SMC5: variants seen among roughly 807,000 people sequenced by gnomAD.
SMC5 encodes structural maintenance of chromosomes protein 5.
In SMC5, 88 loss-of-function variants were observed where a neutral mutation model predicts 148.3. The ratio of observed to expected loss-of-function variants is 0.59; its 90% CI spans 0.50 to 0.71. The LOEUF (loss-of-function observed/expected upper bound fraction) is 0.71. Ranked by LOEUF, SMC5 falls within the 30% of genes least tolerant of loss-of-function variation. The pLI, the probability that SMC5 is intolerant of heterozygous loss-of-function variation, is 0.00. For synonymous variants in SMC5, 421 were observed against 432.8 expected (o/e 0.97, Z 0.34); for missense variants, 1,142 against 1,298.9 (o/e 0.88, Z 1.86).
chr9:70,326,037 G>C (rs2036068076), intron 17 of SMC5, among the ~76,000 whole-genome samples: 1 of 151,848 alleles, frequency 6.6e-6, no homozygotes, highest in Non-Finnish European at 1.5e-5. Context: ...ACAGATATAA[G>C]AGACATAAAA....
intron 17 of SMC5, among the ~76,000 whole-genome samples, chr9:70,335,995 G>T (rs1241463983): frequency 6.6e-6 from 1 of 152,114 alleles, no homozygotes; most frequent in Non-Finnish European, 1.5e-5. Context: ...TGCTGTATTT[G>T]TTGTAGATTT....
At chr9:70,303,331 T>C (rs2035411898) in intron 10 of SMC5, among the ~76,000 whole-genome samples, 1 of 152,194 alleles carries the variant, frequency 6.6e-6, no homozygotes, top group Non-Finnish European at 1.5e-5. Context: ...AAAAGATGAC[T>C]TTCTGTGGTC....
At chr9:70,262,418 A>G (rs1208355391) in intron 1 of SMC5, among the ~76,000 whole-genome samples, 1 of 152,190 alleles carries the variant, frequency 6.6e-6, no homozygotes, top group Non-Finnish European at 1.5e-5. Context: ...TTCTACCAGC[A>G]TCACTTGGTG....
At chr9:70,320,044 A>G (rs1212593460) in intron 15 of SMC5, among the ~76,000 whole-genome samples, 1 of 152,204 alleles carries the variant, frequency 6.6e-6, no homozygotes, top group African/African-American at 2.4e-5. Flanking sequence ...AAGAAAAATG[A>G]CCAAATAGCC....
At chr9:70,277,108 A>G (rs1440205396) in intron 3 of SMC5, among the ~76,000 whole-genome samples, 1 of 152,154 alleles carries the variant, frequency 6.6e-6, no homozygotes, top group Non-Finnish European at 1.5e-5. Flanking sequence ...ATGTTGAGTA[A>G]GTAACTGATG....
At chr9:70,321,336 A>G (rs1035361490) in intron 15 of SMC5, among the ~76,000 whole-genome samples, 1 of 151,642 alleles carries the variant, frequency 6.6e-6, no homozygotes, top group Non-Finnish European at 1.5e-5. Flanking sequence ...CTTGGCCTTA[A>G]TGGGTCATAT....
chr9:70,339,167 C>T (rs528762184), intron 17 of SMC5, among the ~76,000 whole-genome samples: 42 of 152,208 alleles, frequency 2.8e-4, no homozygotes, highest in African/African-American at 9.6e-4. Context: ...CGGTGGCTCA[C>T]GCCTGTAATC....
intron 6 of SMC5, among the ~76,000 whole-genome samples, chr9:70,281,291 C>A (rs896464077): frequency 1.3e-5 from 2 of 152,160 alleles, no homozygotes; most frequent in Non-Finnish European, 2.9e-5. Flanking sequence ...ATCTGCCCCC[C>A]TCGGCCTCCC....
intron 15 of SMC5, among the ~76,000 whole-genome samples, chr9:70,321,352 A>G (rs1335558289): frequency 1.3e-5 from 2 of 151,834 alleles, no homozygotes; most frequent in Non-Finnish European, 2.9e-5. Context: ...CATATATTCC[A>G]CAGAATTCTG....
At chr9:70,344,334 T>C (rs1475482715) in intron 18 of SMC5, 65 bp downstream of exon 18, 1 of 1,271,948 alleles carries the variant, frequency 7.9e-7, no homozygotes, top group Admixed American at 3.1e-5. Flanking sequence ...TATGGAATCT[T>C]AGCCATTGTA....
chr9:70,279,289 G>A (rs1300516640), intron 5 of SMC5, among the ~76,000 whole-genome samples: 1 of 152,084 alleles, frequency 6.6e-6, no homozygotes, highest in Admixed American at 6.6e-5. Context: ...ACTGATTCGG[G>A]AGAATCGCTT....
chr9:70,296,699 C>G (rs1369597225), intron 8 of SMC5, among the ~76,000 whole-genome samples: 1 of 151,994 alleles, frequency 6.6e-6, no homozygotes, highest in Non-Finnish European at 1.5e-5. Context: ...ATAAAGCTGG[C>G]TAAAACAGAT....
rs192586992 is a variant in SMC5, at chr9:70,300,484, C to T, written c.1464+284C>T. On this transcript the variant is annotated intron_variant, in intron 10 of 24. Transcript: ENST00000361138. ...AGTTTGGTTAGCTGGTTCCTTTTGG[C>T]GCTTGTTACTAGATTGTAGCAGGGA... is the stretch of plus-strand genomic sequence containing the variant. Among the ~76,000 whole-genome samples the T allele has an allele frequency of 7.3e-4, 111 of 152,002 alleles. 1 individual carries two copies. The highest frequency in any genetic ancestry group is 1.3e-4 in the Non-Finnish European group (9 of 67,918).
intron 5 of SMC5, among the ~76,000 whole-genome samples, chr9:70,279,690 G>T (rs1012684282): frequency 6.6e-6 from 1 of 151,900 alleles, no homozygotes; most frequent in Non-Finnish European, 1.5e-5. Flanking sequence ...GATGGTGGGC[G>T]CCTGTAATCC....
chr9:70,332,686 C>A (rs945240093), intron 17 of SMC5, among the ~76,000 whole-genome samples: 8 of 152,106 alleles, frequency 5.3e-5, no homozygotes, highest in African/African-American at 1.7e-4. Flanking sequence ...CCCAAAAATT[C>A]TTCATATAAT....
In SMC5 at chr9:70,277,396, C is replaced by T. The variant is rs2034621750; in HGVS notation, c.467C>T (p.Thr156Ile). Residue 156 changes from threonine to isoleucine, a missense_variant, in exon 4 of 25, where the codon ACA becomes ATA. Physicochemically the swap from Thr to Ile is moderately conservative, Grantham distance 89 (BLOSUM62 -1). This residue lies in a region of SMC5 where 297 missense variants were observed against 302.6 expected (regional missense o/e 0.98). Transcript: ENST00000361138. ...TTTTGGTTCATCAACAAAAAATCTA[C>T]AACCCAGAAAATAGTGGAAGAGAAA... ...QSFWFINKKS[T>I]TQKIVEEKVA... The T allele has an allele frequency of 5.0e-6, 8 of 1,606,714 alleles. No individual in the cohort carries two copies. The highest frequency in any genetic ancestry group is 5.9e-6 in the Non-Finnish European group (7 of 1,176,474).
intron 19 of SMC5, 27 bp downstream of exon 19, chr9:70,346,676 A>G: frequency 6.8e-6 from 11 of 1,612,714 alleles, no homozygotes; most frequent in East Asian, 2.2e-5. Context: ...CTTTTTTCCC[A>G]AGCTCCTGTT....
chr9:70,279,711 G>A (rs2034695940), intron 5 of SMC5, among the ~76,000 whole-genome samples: 1 of 151,812 alleles, frequency 6.6e-6, no homozygotes, highest in African/African-American at 2.4e-5. Context: ...CAGCTACTTG[G>A]GAGGCTGAGA....
chr9:70,267,696 A>T (rs1033783285), intron 2 of SMC5, among the ~76,000 whole-genome samples: 1 of 152,188 alleles, frequency 6.6e-6, no homozygotes, highest in Non-Finnish European at 1.5e-5. Flanking sequence ...TATGGAGTGC[A>T]TAGGAGTTCG....
Sources: allele counts gnomAD v4.1 joint callset (sites outside exome capture counted in the v4.1 genomes callset), GRCh38; gene constraint gnomAD v4.1.1; regional missense constraint gnomAD v4.1.1; transcripts MANE v1.5; gene names NCBI Gene and HGNC (gene_info 2026-07-23, HGNC 2026-07-21).